Variants in GFOD1 observed in about 807,000 individuals in gnomAD.
The protein encoded by GFOD1 is Gfo/Idh/MocA-like oxidoreductase domain containing 1.
In GFOD1, 9 loss-of-function variants were observed where a neutral mutation model predicts 25.4. The ratio of observed to expected loss-of-function variants is 0.35; its 90% CI spans 0.21 to 0.62. The LOEUF (loss-of-function observed/expected upper bound fraction) is 0.62. Among genes scored for constraint, GFOD1 ranks in the 20% least tolerant of loss-of-function variants. The pLI is 0.72. For synonymous variants in GFOD1, 253 were observed against 245.6 expected (o/e 1.03, Z -0.28); for missense variants, 403 against 556.9 (o/e 0.72, Z 2.78).
chr6:13,449,486 A>G (rs1218711245), intron 1 of GFOD1, among the ~76,000 whole-genome samples: 1 of 152,188 alleles, frequency 6.6e-6, no homozygotes, highest in African/African-American at 2.4e-5. Context: ...TGTGGTTTCT[A>G]TTCAAAGCTC....
At position 13,364,975 on chromosome 6, in the gene GFOD1, C is replaced by T. The variant is rs1206470794; in HGVS notation, c.941G>A (p.Arg314His). 23 of 1,609,262 alleles carry T rather than the reference C, an allele frequency of 1.4e-5. No individual in the cohort carries two copies. Among genetic ancestry groups the T allele is most frequent in the East Asian group, 2.2e-5 (1 of 44,868 alleles). The change falls in exon 2 of 2, where the codon CGC becomes CAC. Residue 314 changes from arginine to histidine, a missense_variant. Transcript: ENST00000379287. The surrounding 1 kb of genome is among the most constrained non-coding windows in gnomAD (Gnocchi z 4.1). ...GTCGTCCTGGTCCTGGAAGGCCTGG[C>T]GCACCGCCTGCATCATCTTGATGGT... ...RGTIKMMQAV[R>H]QAFQDQDDRR... is the part of the protein sequence containing the mutation.
chr6:13,485,829 C>T (rs935010612), intron 1 of GFOD1, among the ~76,000 whole-genome samples: 11 of 152,184 alleles, frequency 7.2e-5, no homozygotes, highest in African/African-American at 2.4e-4. Context: ...AGCTACTGCG[C>T]CCATCCTCCT....
chr6:13,459,852 T>A (rs528350084), intron 1 of GFOD1, among the ~76,000 whole-genome samples: 1 of 152,252 alleles, frequency 6.6e-6, no homozygotes, highest in South Asian at 2.1e-4. Flanking sequence ...AAGAGGCTCA[T>A]TACAGGCATG....
intron 1 of GFOD1, among the ~76,000 whole-genome samples, chr6:13,423,764 G>A (rs996901051): frequency 4.5e-4 from 69 of 152,228 alleles, no homozygotes; most frequent in African/African-American, 1.7e-3. Flanking sequence ...AAGTATTTCA[G>A]AGATAAGTCC....
At chr6:13,458,651 G>A (rs897920647) in intron 1 of GFOD1, among the ~76,000 whole-genome samples, 4 of 148,262 alleles carry the variant, frequency 2.7e-5, no homozygotes, top group Non-Finnish European at 5.9e-5. Flanking sequence ...TGCATTATAG[G>A]GTTGTTGGGA....
intron 1 of GFOD1, among the ~76,000 whole-genome samples, chr6:13,456,712 G>A (rs189883560): frequency 6.6e-6 from 1 of 152,148 alleles, no homozygotes; most frequent in Non-Finnish European, 1.5e-5. Context: ...GCCTCCTAGG[G>A]CTGCACCATA....
At chr6:13,382,060 T>C (rs1462614475) in intron 1 of GFOD1, among the ~76,000 whole-genome samples, 1 of 152,006 alleles carries the variant, frequency 6.6e-6, no homozygotes, top group African/African-American at 2.4e-5. Context: ...GTCCTTCCAA[T>C]TTCACACACA....
At chr6:13,449,261 A>C (rs1758055557) in intron 1 of GFOD1, among the ~76,000 whole-genome samples, 1 of 152,224 alleles carries the variant, frequency 6.6e-6, no homozygotes. Context: ...AGTGTAGTCC[A>C]GCTTAGGTGA....
intron 1 of GFOD1, among the ~76,000 whole-genome samples, chr6:13,392,527 T>C (rs1199015026): frequency 6.6e-6 from 1 of 152,046 alleles, no homozygotes; most frequent in Non-Finnish European, 1.5e-5. Context: ...ATTTCAAATA[T>C]TTCAGCAAGT....
At chr6:13,387,803 A>G (rs1785506961) in intron 1 of GFOD1, among the ~76,000 whole-genome samples, 1 of 152,212 alleles carries the variant, frequency 6.6e-6, no homozygotes, top group African/African-American at 2.4e-5. Flanking sequence ...AGGATATTCT[A>G]TTAGGAAAAG....
chr6:13,371,093 ACTCTT>A (rs1785142108), intron 1 of GFOD1, among the ~76,000 whole-genome samples: 1 of 152,116 alleles, frequency 6.6e-6, no homozygotes. Flanking sequence ...GCAGTCTTGC[ACTCTT>A]CTCTAAGCAC....
In GFOD1 at chr6:13,365,618, C is replaced by A; in HGVS notation, c.298G>T (p.Asp100Tyr). Residue 100 changes from aspartate (D) to tyrosine (Y), a missense_variant, in exon 2 of 2, where the codon GAC becomes TAC. Asp to Tyr is a radical substitution (Grantham distance 160, BLOSUM62 -3). Transcript: ENST00000379287. This position sits in a 1 kb window ranked among gnomAD's most constrained non-coding sequence, Gnocchi z 9.2. ...VICDRTATPL[D>Y]AFRMTSAAHY... ...GCGGCCGAGGTCATGCGGAAAGCGT[C>A]CAGCGGCGTGGCCGTGCGGTCGCAG... 1 of 1,601,794 alleles carries A rather than the reference C, an allele frequency of 6.2e-7. No individual in the cohort carries two copies. The highest frequency in any genetic ancestry group is 8.5e-7 in the Non-Finnish European group (1 of 1,179,144).
At chr6:13,436,087 G>A (rs1335544050) in intron 1 of GFOD1, among the ~76,000 whole-genome samples, 1 of 152,148 alleles carries the variant, frequency 6.6e-6, no homozygotes, top group Non-Finnish European at 1.5e-5. Flanking sequence ...TCCAAGAAGG[G>A]GAGTTGGGTG....
intron 1 of GFOD1, among the ~76,000 whole-genome samples, chr6:13,387,342 G>A (rs916302458): frequency 2.0e-5 from 3 of 152,138 alleles, no homozygotes; most frequent in South Asian, 2.1e-4. Context: ...CAATATCCCT[G>A]ATGAACATCG....
rs939423666 is a variant in GFOD1, at chr6:13,362,084, G to A, written c.*2659C>T. On this transcript the variant is annotated 3_prime_UTR_variant, in exon 2 of 2. Coordinates refer to ENST00000379287, the MANE Select transcript of GFOD1 (RefSeq NM_018988.4). ...GTTTACTTTCCCTTCATCCTTAATC[G>A]GAGCCCTTCAGGCTAGCTAGAAAAT... 4 of 152,046 alleles carry A rather than the reference G, an allele frequency of 2.6e-5. No homozygotes were observed. Among genetic ancestry groups the A allele is most frequent in the African/African-American group, 4.8e-5 (2 of 41,386 alleles). The allele number at this position is 152,046 out of a possible 1,614,324, so 9.4% of individuals were successfully genotyped here.
chr6:13,460,125 C>T (rs2127575290), intron 1 of GFOD1, among the ~76,000 whole-genome samples: 1 of 152,184 alleles, frequency 6.6e-6, no homozygotes, highest in South Asian at 2.1e-4. Flanking sequence ...CAATGTGAGA[C>T]TTCATCTCAA....
At chr6:13,442,308 G>A (rs182351177) in intron 1 of GFOD1, among the ~76,000 whole-genome samples, 8 of 152,222 alleles carry the variant, frequency 5.3e-5, no homozygotes, top group African/African-American at 1.9e-4. Context: ...CAAATTGAAG[G>A]TTTATGCGAC....
At chr6:13,456,468 C>T (rs1470657826) in intron 1 of GFOD1, among the ~76,000 whole-genome samples, 1 of 152,216 alleles carries the variant, frequency 6.6e-6, no homozygotes, top group African/African-American at 2.4e-5. Context: ...AGCCACCACA[C>T]TTGGCCTCCT....
At chr6:13,451,491 A>T (rs1482513379) in intron 1 of GFOD1, among the ~76,000 whole-genome samples, 2 of 151,760 alleles carry the variant, frequency 1.3e-5, no homozygotes, top group Non-Finnish European at 2.9e-5. Flanking sequence ...CACTCTGATC[A>T]ACACAGGGTC....
Sources: gnomAD v4.1 joint callset for allele counts (sites outside exome capture counted in the v4.1 genomes callset) on GRCh38, gnomAD v4.1.1 for gene constraint, Gnocchi (gnomAD v3.1) non-coding constraint, MANE v1.5 for transcripts, NCBI Gene and HGNC (gene_info 2026-07-23, HGNC 2026-07-21) for gene names.